The following MYBPC3 variants were observed in gnomAD, a reference collection of about 807,000 sequenced individuals.
The protein encoded by MYBPC3 is myosin-binding protein C, cardiac-type.
In MYBPC3, 108 loss-of-function variants were observed where a neutral mutation model predicts 159.3. The ratio of observed to expected loss-of-function variants is 0.68; its 90% CI spans 0.58 to 0.80. The LOEUF (loss-of-function observed/expected upper bound fraction) is 0.80. Among genes scored for constraint, MYBPC3 ranks in the 30% least tolerant of loss-of-function variants. The pLI, the probability that MYBPC3 is intolerant of heterozygous loss-of-function variation, is 0.00. For synonymous variants in MYBPC3, 730 were observed against 702.0 expected (o/e 1.04, Z -0.63); for missense variants, 1,631 against 1,762.1 (o/e 0.93, Z 1.33).
At chr11:47,343,194 CG>C in intron 14 of MYBPC3, 49 bp from the exon 15 acceptor site, 1 of 1,596,292 alleles carries the variant, frequency 6.3e-7, no homozygotes, top group Non-Finnish European at 8.5e-7. Flanking sequence ...GACACCCCTC[CG>C]GGCCCAGTGC....
rs1027196585 is a variant in MYBPC3 at position 47,338,407 on chromosome 11, C to G, written c.2308+113G>C. 9 of 1,470,990 alleles carry G rather than the reference C, an allele frequency of 6.1e-6. No individual in the cohort carries two copies. Among genetic ancestry groups the G allele is most frequent in the Non-Finnish European group, 7.4e-6 (8 of 1,085,288 alleles). The allele number at this position is 1,470,990 out of a possible 1,614,324, so 91.1% of individuals were successfully genotyped here. A position where few individuals can be genotyped will look rare whatever the true frequency, so the allele number is the denominator to read the frequency against. On this transcript the variant is annotated intron_variant, in intron 23 of 34. Coordinates refer to ENST00000545968, the MANE Select transcript of MYBPC3 (RefSeq NM_000256.3). The surrounding 1 kb of genome is among the most constrained non-coding windows in gnomAD (Gnocchi z 4.7). ...CAGAAAAACCTGTCCTGTTGCCGCT[C>G]GGCTCAGGGAGCATGCCCGTGATGT...
At position 47,346,582 on chromosome 11, in the gene MYBPC3, C is replaced by G; in HGVS notation, c.926+45G>C. 1 of 1,535,696 alleles carries G rather than the reference C, an allele frequency of 6.5e-7. No homozygotes were observed. The highest frequency in any genetic ancestry group is 1.2e-5 in the South Asian group (1 of 80,082). ...GCTGGGGATCTGGAGGGGCTCCTGG[C>G]AGAATTAGGGGTGATGAGGGTGCTG... On this transcript the variant is annotated intron_variant, in intron 11 of 34. Coordinates refer to ENST00000545968, the MANE Select transcript of MYBPC3 (RefSeq NM_000256.3). The surrounding 1 kb of genome is among the most constrained non-coding windows in gnomAD (Gnocchi z 5.3).
rs200119454 is a variant in MYBPC3 at position 47,346,336 on chromosome 11, C to G, written c.961G>C (p.Val321Leu). 1 of 1,608,044 alleles carries G rather than the reference C, an allele frequency of 6.2e-7. No individual in the cohort carries two copies. Among genetic ancestry groups the G allele is most frequent in the East Asian group, 2.2e-5 (1 of 44,678 alleles). Residue 321 changes from valine to leucine, a missense_variant, in exon 12 of 35, where the codon GTG (valine) becomes CTG (leucine). Transcript: ENST00000545968. The surrounding 1 kb of genome is among the most constrained non-coding windows in gnomAD (Gnocchi z 5.3). ...GGTGCCTGCCGTAGGATCTCCCACA[C>G]GTCCTCCTCTGCTGGTGCCTCCAGC... The part of the protein sequence containing the change: ...SKLEAPAEED[V>L]WEILRQAPPS...
rs113941605 is a variant in MYBPC3 at position 47,349,910 on chromosome 11, G to A, written c.518C>T (p.Thr173Ile). ...GGCGCCGGCCACGCGGGCTGAGAAG[G>A]TGATGCTGCCACCTGCAAAGGCAGG... Reference protein sequence around the residue: ...DGEVTVGGSITFSARVAGASL... With the variant: ...DGEVTVGGSIIFSARVAGASL... The change falls in exon 5 of 35, where the codon ACC becomes ATC. Residue 173 changes from threonine (T) to isoleucine (I), a missense_variant. Coordinates refer to ENST00000545968, the MANE Select transcript of MYBPC3 (RefSeq NM_000256.3). 21 of 1,600,780 alleles carry A rather than the reference G, an allele frequency of 1.3e-5. No homozygotes were observed. The highest frequency in any genetic ancestry group is 1.1e-4 in the African/African-American group (8 of 74,130).
rs533552669 is a variant in MYBPC3 at position 47,351,954 on chromosome 11, C to T, written c.26-449G>A. Among the ~76,000 whole-genome samples the T allele has an allele frequency of 1.2e-3, 178 of 152,176 alleles. 1 individual carries two copies. The South Asian group carries it at 0.017, about 14-fold the overall frequency. ...CTGAGATAAAGCTGGCCTGGGAGGG[C>T]GCTGGGGGATGGGGACCTGGATCTC... On this transcript the variant is annotated intron_variant, in intron 1 of 34. Transcript: ENST00000545968. The surrounding 1 kb of genome is among the most constrained non-coding windows in gnomAD (Gnocchi z 4.2).
At position 47,346,774 on chromosome 11, in the gene MYBPC3, G is replaced by T; in HGVS notation, c.909-130C>A. The T allele has an allele frequency of 9.9e-7, 1 of 1,006,130 alleles. No homozygotes were observed. Among genetic ancestry groups the T allele is most frequent in the Non-Finnish European group, 1.5e-6 (1 of 681,346 alleles). The allele number at this position is 1,006,130 out of a possible 1,614,324, so 62.3% of individuals were successfully genotyped here. A position where few individuals can be genotyped will look rare whatever the true frequency, so the allele number is the denominator to read the frequency against. ...TATTTTCCGCACTTGCACTCCCTGT[G>T]TTGTGGGGCACCCATGCTGCTCCGG... On this transcript the variant is annotated intron_variant, in intron 10 of 34. Transcript: ENST00000545968. The surrounding 1 kb of genome is among the most constrained non-coding windows in gnomAD (Gnocchi z 5.3).
intron 8 of MYBPC3, 26 bp from the exon 9 acceptor site, chr11:47,347,505 C>A: frequency 6.3e-7 from 1 of 1,590,506 alleles, no homozygotes; most frequent in East Asian, 2.3e-5. Flanking sequence ...CCCAGTGAGG[C>A]TGCAGTGAGG....
At chr11:47,339,269 A>T in intron 22 of MYBPC3, 55 bp downstream of exon 22, 1 of 1,580,420 alleles carries the variant, frequency 6.3e-7, no homozygotes, top group East Asian at 2.2e-5. Context: ...GGCACCACGT[A>T]GGTAGAAAGT....
At position 47,333,715 on chromosome 11, in the gene MYBPC3, C is replaced by G; in HGVS notation, c.3032G>C (p.Gly1011Ala). 6.2e-7 allele frequency: 1 copy of G among 1,608,562 alleles called. No homozygotes were observed. The highest frequency in any genetic ancestry group is 1.1e-5 in the South Asian group (1 of 90,760). ...CACCTCCTCGCCTGCCAGGGGCTGC[C>G]CCTCTTTGGTCCAGGTCACCTGAGG... ...PRPQVTWTKE[G>A]QPLAGEEVSI... Residue 1011 changes from glycine to alanine, a missense_variant, in exon 29 of 35, where the codon GGG becomes GCG. Transcript: ENST00000545968.
chr11:47,347,613 T>C (rs943574204), intron 8 of MYBPC3, 38 bp downstream of exon 8: 4 of 1,565,814 alleles, frequency 2.6e-6, no homozygotes, highest in Non-Finnish European at 3.5e-6. Flanking sequence ...CCCCTGGGGG[T>C]CTGCGGATGG....
chr11:47,333,533 C>T (rs976604800), intron 29 of MYBPC3, 24 bp downstream of exon 29: 14 of 1,598,934 alleles, frequency 8.8e-6, no homozygotes, highest in Non-Finnish European at 1.2e-5. Flanking sequence ...AACAAGGGGG[C>T]TCAAGGAGGC....
rs1430544990 is a variant in MYBPC3, at chr11:47,351,345, T to C, written c.186A>G (p.Thr62=). The change falls in exon 2 of 35, where the codon ACA becomes ACG. Residue 62 remains threonine (T), a synonymous_variant. Transcript: ENST00000545968. This position sits in a 1 kb window ranked among gnomAD's most constrained non-coding sequence, Gnocchi z 4.2. ...CTTCCCGCACTGTCAGCGTATGCCG[T>C]GTGCCCTCTGTGGCCAGGCCGTACT... The part of the protein sequence containing the change: ...SNKYGLATEG[T]RHTLTVREVG... 3.1e-6 allele frequency: 5 copies of C among 1,601,062 alleles called. No individual in the cohort carries two copies. Among genetic ancestry groups the C allele is most frequent in the Non-Finnish European group, 4.3e-6 (5 of 1,174,228 alleles).
At position 47,332,142 on chromosome 11, in the gene MYBPC3, C is replaced by T. The variant is rs1190856957; in HGVS notation, c.3744G>A (p.Gly1248=). The T allele has an allele frequency of 6.2e-7, 1 of 1,613,630 alleles. No individual in the cohort carries two copies. The highest frequency in any genetic ancestry group is 8.5e-7 in the Non-Finnish European group (1 of 1,179,900). The change falls in exon 33 of 35, where the codon GGG becomes GGA. Residue 1248 remains glycine, a synonymous_variant. Transcript: ENST00000545968. This position sits in a 1 kb window ranked among gnomAD's most constrained non-coding sequence, Gnocchi z 4.2. The part of the protein sequence containing the change: ...LEIRKPCPFD[G]GIYVCRATNL... The stretch of plus-strand genomic sequence containing the variant: ...TGGTGGCCCTGCAGACATAGATGCC[C>T]CCGTCAAAGGGGCAGGGCTTTCTAA...
Position 47,332,739 on chromosome 11 carries a change from C to T in MYBPC3, c.3491-37G>A, listed in dbSNP as rs952988940. 6.3e-7 allele frequency: 1 copy of T among 1,587,876 alleles called. No individual in the cohort carries two copies. Among genetic ancestry groups the T allele is most frequent in the Non-Finnish European group, 8.6e-7 (1 of 1,166,314 alleles). ...AGGACTTGGTACCGAGAGGGCCACA[C>T]AAAGCTAGGCCCCTCTCCCTGTTCC... is the stretch of plus-strand genomic sequence containing the variant. On this transcript the variant is annotated intron_variant, in intron 31 of 34. Coordinates refer to ENST00000545968, the MANE Select transcript of MYBPC3 (RefSeq NM_000256.3). The surrounding 1 kb of genome is among the most constrained non-coding windows in gnomAD (Gnocchi z 4.2).
intron 3 of MYBPC3, 60 bp downstream of exon 3, chr11:47,350,442 G>A: frequency 6.5e-7 from 1 of 1,531,400 alleles, no homozygotes; most frequent in Non-Finnish European, 8.8e-7. Flanking sequence ...AGGCTTTTGA[G>A]ACCTGCCCTG....
At chr11:47,348,912 A>ATATATATATATATATATATATATATG (rs1204958871) in intron 5 of MYBPC3, among the ~76,000 whole-genome samples, 1 of 114,398 alleles carries the variant, frequency 8.7e-6, no homozygotes, top group Non-Finnish European at 1.9e-5. Flanking sequence ...CTCAAATTAT[A>ATATATATATATATATATATATATATG]TATATATATA....
chr11:47,349,410 G>A (rs1476747167), intron 5 of MYBPC3, among the ~76,000 whole-genome samples: 1 of 152,074 alleles, frequency 6.6e-6, no homozygotes, highest in African/African-American at 2.4e-5. Flanking sequence ...CCATCCAGGG[G>A]CTTTACAACC....
Position 47,338,876 on chromosome 11 carries a change from G to A in MYBPC3, c.2149-197C>T, listed in dbSNP as rs11570091. Among the ~76,000 whole-genome samples the A allele has an allele frequency of 0.011, 1,627 of 152,278 alleles. 31 individuals are homozygous for A. Among genetic ancestry groups the A allele is most frequent in the African/African-American group, 0.035 (1,434 of 41,552 alleles). On this transcript the variant is annotated intron_variant, in intron 22 of 34. Coordinates refer to ENST00000545968, the MANE Select transcript of MYBPC3 (RefSeq NM_000256.3). The surrounding 1 kb of genome is among the most constrained non-coding windows in gnomAD (Gnocchi z 4.7). Reference sequence around the variant, plus strand: ...GGGGCTCGGGTTCTAGCTTTGTCACGGGACCTGGGGCAACCACCTGTCCTC... The same window carrying A: ...GGGGCTCGGGTTCTAGCTTTGTCACAGGACCTGGGGCAACCACCTGTCCTC...
rs397516069 is a variant in MYBPC3, at chr11:47,348,529, C to T, written c.667G>A (p.Glu223Lys). The stretch of plus-strand genomic sequence containing the variant: ...GGCTGGGCATCGGTGATGTGCAGCT[C>T]GAACAGATAGACCTGTGTGCATGGA... ...YDRASKVYLF[E>K]LHITDAQPAF... is the part of the protein sequence containing the mutation. Residue 223 changes from glutamate to lysine, a missense_variant, in exon 6 of 35, where the codon GAG (glutamate) becomes AAG (lysine). Physicochemically the swap from Glu to Lys is moderately conservative, Grantham distance 56. Coordinates refer to ENST00000545968, the MANE Select transcript of MYBPC3 (RefSeq NM_000256.3). The T allele has an allele frequency of 4.2e-5, 67 of 1,612,102 alleles. No homozygotes were observed. The Admixed American group carries it at 4.2e-4, about 10-fold the overall frequency.
Sources: allele counts gnomAD v4.1 joint callset (sites outside exome capture counted in the v4.1 genomes callset), GRCh38; gene constraint gnomAD v4.1.1; non-coding constraint Gnocchi (gnomAD v3.1); transcripts MANE v1.5; gene names NCBI Gene and HGNC (gene_info 2026-07-23, HGNC 2026-07-21).